LGALS8: variants seen among roughly 807,000 people sequenced by gnomAD.
LGALS8 encodes galectin 8.
In LGALS8, 30 loss-of-function variants were observed where a neutral mutation model predicts 35.9. That is an observed-to-expected ratio of 0.83 (90% CI 0.62 to 1.13). The LOEUF is 1.13. Among genes scored for constraint, LGALS8 ranks in the 50% most tolerant of loss-of-function variants. The pLI is 0.00. For missense variants in LGALS8, 366 were observed against 388.7 expected, an observed-to-expected ratio of 0.94 and a Z score of 0.49; for synonymous variants, 138 against 136.1, an observed-to-expected ratio of 1.01 and a Z score of -0.10.
chr1:236,520,235 G>C (rs374802093), upstream of LGALS8, among the ~76,000 whole-genome samples: 1 of 152,100 alleles, frequency 6.6e-6, no homozygotes, highest in East Asian at 1.9e-4. Context: ...GGGATTACAG[G>C]AGTGAGCCAA....
At chr1:236,547,413 C>G (rs558320516) in intron 9 of LGALS8, among the ~76,000 whole-genome samples, 6 of 152,182 alleles carry the variant, frequency 3.9e-5, no homozygotes, top group African/African-American at 1.4e-4. Flanking sequence ...CGGCTTTGGA[C>G]AAACACACTG....
upstream of LGALS8, among the ~76,000 whole-genome samples, chr1:236,519,947 A>ATTT: frequency 7.2e-6 from 1 of 137,986 alleles, no homozygotes; most frequent in Non-Finnish European, 1.5e-5. Context: ...TGTTTTGTAC[A>ATTT]ATTTTTTTTT....
chr1:236,520,392 A>C (rs1377476451), upstream of LGALS8, among the ~76,000 whole-genome samples: 30 of 151,968 alleles, frequency 2.0e-4, no homozygotes, highest in Non-Finnish European at 3.5e-4. Flanking sequence ...AAAAAAAAAA[A>C]AACAACAGGA....
Position 236,549,706 on chromosome 1 carries a change from T to G in LGALS8, c.*1545T>G, listed in dbSNP as rs1251074176. On this transcript the variant is annotated 3_prime_UTR_variant, in exon 10 of 10. Transcript: ENST00000366584. ...AATCCCCCAGAGTTATTTTTCTCCA[T>G]AAAGACCATCAGAGTGCTTAACTGA... 2.0e-5 allele frequency: 3 copies of G among 152,144 alleles called. No individual in the cohort carries two copies. Among genetic ancestry groups the G allele is most frequent in the Non-Finnish European group, 4.4e-5 (3 of 68,028 alleles). 9.4% of individuals were successfully genotyped at this position (152,144 alleles called of 1,614,324 possible).
In LGALS8 at chr1:236,524,204, C is replaced by T. The variant is rs550734969; in HGVS notation, c.-104+143C>T. On this transcript the variant is annotated intron_variant, in intron 1 of 9. Coordinates refer to ENST00000366584, the MANE Select transcript of LGALS8 (RefSeq NM_201544.4). Reference sequence around the variant, plus strand: ...GATGGGTGGGACAGTGTCCAGTCCACCCCGACCCGCCGGTCCTCACCGCGG... The same window carrying T: ...GATGGGTGGGACAGTGTCCAGTCCATCCCGACCCGCCGGTCCTCACCGCGG... The T allele has an allele frequency of 3.3e-3, 1,512 of 456,244 alleles. 14 individuals are homozygous for T. The highest frequency in any genetic ancestry group is 0.011 in the South Asian group (693 of 64,542). The allele number at this position is 456,244 out of a possible 1,614,324, so 28.3% of individuals were successfully genotyped here.
chr1:236,525,395 A>C (rs1660758861), intron 1 of LGALS8: 1 of 131,940 alleles, frequency 7.6e-6, no homozygotes, highest in Admixed American at 8.4e-5. Flanking sequence ...ATTTACCATT[A>C]ATTAATTAAA....
At chr1:236,544,662 C>A in intron 8 of LGALS8, 88 bp from the exon 9 acceptor site, 4 of 980,642 alleles carry the variant, frequency 4.1e-6, no homozygotes, top group South Asian at 3.9e-5. Context: ...AATCATAGTT[C>A]AAGTCTGGTC....
chr1:236,524,250 G>A (rs779284211), intron 1 of LGALS8, 189 bp downstream of exon 1: 5 of 456,014 alleles, frequency 1.1e-5, no homozygotes, highest in South Asian at 7.7e-5. Flanking sequence ...GCTGGGTGGC[G>A]GGGACGCTGC....
At chr1:236,533,616 T>G (rs972652848) in intron 2 of LGALS8, among the ~76,000 whole-genome samples, 4 of 149,336 alleles carry the variant, frequency 2.7e-5, no homozygotes, top group African/African-American at 1.0e-4. Flanking sequence ...TTACAGGTGT[T>G]AGCCACTGCG....
intron 2 of LGALS8, among the ~76,000 whole-genome samples, chr1:236,532,177 A>G (rs939551673): frequency 6.6e-6 from 1 of 152,126 alleles, no homozygotes; most frequent in South Asian, 2.1e-4. Flanking sequence ...GGTACAGGAA[A>G]TCCCCGTTAC....
At position 236,551,844 on chromosome 1, in the gene LGALS8, C is replaced by T. The variant is rs1278195044; in HGVS notation, c.*3683C>T. 1.7e-5 allele frequency: 10 copies of T among 585,036 alleles called. No individual in the cohort carries two copies. Among genetic ancestry groups the T allele is most frequent in the Non-Finnish European group, 2.7e-5 (9 of 330,762 alleles). 36.2% of individuals were successfully genotyped at this position (585,036 alleles called of 1,614,324 possible). A position where few individuals can be genotyped will look rare whatever the true frequency, so the allele number is the denominator to read the frequency against. The stretch of plus-strand genomic sequence containing the variant: ...CCCAACTCAAAACAGGAGCTCGAGC[C>T]TGCCTGTATTTGAGACTGGAGCTGC... On this transcript the variant is annotated 3_prime_UTR_variant, in exon 10 of 10. Coordinates refer to ENST00000366584, the MANE Select transcript of LGALS8 (RefSeq NM_201544.4).
intron 8 of LGALS8, among the ~76,000 whole-genome samples, chr1:236,544,103 C>T (rs1330983440): frequency 6.6e-6 from 1 of 152,054 alleles, no homozygotes; most frequent in Non-Finnish European, 1.5e-5. Flanking sequence ...CACCACCACG[C>T]CCAGCTACTT....
At chr1:236,541,940 T>C (rs952729662) in intron 6 of LGALS8, among the ~76,000 whole-genome samples, 1 of 152,230 alleles carries the variant, frequency 6.6e-6, no homozygotes, top group Non-Finnish European at 1.5e-5. Flanking sequence ...TAAAAAGCAC[T>C]CTCTCACTCT....
At chr1:236,519,562 A>G (rs78106698), upstream of LGALS8, among the ~76,000 whole-genome samples, 6,533 of 152,278 alleles carry the variant, frequency 0.043, 165 homozygotes, top group African/African-American at 0.068. Flanking sequence ...GGCAATATCT[A>G]TTGTTCTGAA....
chr1:236,543,101 C>G (rs184961753), intron 7 of LGALS8: 2 of 1,460,964 alleles, frequency 1.4e-6, no homozygotes, highest in African/African-American at 1.4e-5. Flanking sequence ...TGAGCTGTTA[C>G]GAGTAACCTG....
intron 9 of LGALS8, among the ~76,000 whole-genome samples, chr1:236,546,815 A>G (rs768753210): frequency 1.3e-5 from 2 of 152,212 alleles, no homozygotes; most frequent in African/African-American, 4.8e-5. Flanking sequence ...TTTGTTAAAT[A>G]TATCTGGGGT....
intron 2 of LGALS8, among the ~76,000 whole-genome samples, chr1:236,530,365 TCTC>T (rs780587265): frequency 6.6e-6 from 1 of 152,216 alleles, no homozygotes; most frequent in African/African-American, 2.4e-5. Flanking sequence ...CTGTTTTTCT[TCTC>T]TTTTTGCTGC....
Position 236,548,012 on chromosome 1 carries a change from A to G in LGALS8, c.805A>G (p.Met269Val), listed in dbSNP as rs776873036. ...FPFSPGMYFE[M>V]IIYCDVREFK... ...AATGGCATGTATCCTTTCCTTTCAG[A>G]TGATAATTTATTGTGATGTTAGAGA... is the stretch of plus-strand genomic sequence containing the variant. Residue 269 changes from methionine (M) to valine (V), a missense_variant and splice_region_variant, in exon 10 of 10, where the codon ATG (methionine) becomes GTG (valine). Coordinates refer to ENST00000366584, the MANE Select transcript of LGALS8 (RefSeq NM_201544.4). The G allele has an allele frequency of 1.9e-6, 3 of 1,610,034 alleles. No individual in the cohort carries two copies. The highest frequency in any genetic ancestry group is 3.3e-5 in the Admixed American group (2 of 59,940).
In LGALS8 at chr1:236,526,319, G is replaced by A. The variant is rs1413319159; in HGVS notation, c.45+204G>A. ...GAAGAAGTCACAATGATAATATGAC[G>A]TGATGAAACAGTGTTATGAACAGGG... On this transcript the variant is annotated intron_variant, in intron 2 of 9. Transcript: ENST00000366584. This position sits in a 1 kb window ranked among gnomAD's most constrained non-coding sequence, Gnocchi z 4.6. 8 of 434,280 alleles carry A rather than the reference G, an allele frequency of 1.8e-5. No homozygotes were observed. Among genetic ancestry groups the A allele is most frequent in the African/African-American group, 9.9e-5 (5 of 50,658 alleles). 26.9% of individuals were successfully genotyped at this position (434,280 alleles called of 1,614,324 possible). A position where few individuals can be genotyped will look rare whatever the true frequency, so the allele number is the denominator to read the frequency against.
Sources: gnomAD v4.1 joint callset for allele counts (sites outside exome capture counted in the v4.1 genomes callset) on GRCh38, gnomAD v4.1.1 for gene constraint, Gnocchi (gnomAD v3.1) non-coding constraint, MANE v1.5 for transcripts, NCBI Gene and HGNC (gene_info 2026-07-23, HGNC 2026-07-21) for gene names.